RIT2: variants seen among roughly 807,000 people sequenced by gnomAD.
RIT2 encodes the protein GTP-binding protein Rit2.
In RIT2, 24 loss-of-function variants were observed where a neutral mutation model predicts 23.7. The ratio of observed to expected loss-of-function variants is 1.01; its 90% CI spans 0.73 to 1.43. The LOEUF (loss-of-function observed/expected upper bound fraction) is 1.43, where lower values mean the gene tolerates loss of function less well. RIT2 is among the 40% of genes most tolerant of loss of function. RIT2 has a pLI of 0.00. For missense variants in RIT2, 236 were observed against 266.9 expected, an observed-to-expected ratio of 0.88 and a Z score of 0.81; for synonymous variants, 107 against 91.1, an observed-to-expected ratio of 1.17 and a Z score of -0.99.
chr18:43,092,655 G>GC (rs2144362393), intron 1 of RIT2, among the ~76,000 whole-genome samples: 1 of 152,064 alleles, frequency 6.6e-6, no homozygotes, highest in Non-Finnish European at 1.5e-5. Context: ...GCCAATAGGA[G>GC]CCCCATATTA....
intron 3 of RIT2, among the ~76,000 whole-genome samples, chr18:42,946,735 T>G (rs1416685564): frequency 1.3e-5 from 2 of 151,926 alleles, no homozygotes; most frequent in African/African-American, 2.4e-5. Context: ...ATAATATCAT[T>G]TTTGCTACAG....
At chr18:43,070,336 C>T (rs1912869399) in intron 1 of RIT2, among the ~76,000 whole-genome samples, 1 of 152,162 alleles carries the variant, frequency 6.6e-6, no homozygotes, top group Non-Finnish European at 1.5e-5. Context: ...TTCTTCCCTT[C>T]TGCTTTTAGA....
intron 1 of RIT2, among the ~76,000 whole-genome samples, chr18:43,042,962 C>T (rs562737506): frequency 1.3e-5 from 2 of 152,044 alleles, no homozygotes; most frequent in East Asian, 1.9e-4. Context: ...AACCATGTAC[C>T]ATTTTCCACT....
chr18:43,057,173 C>T, intron 1 of RIT2, among the ~76,000 whole-genome samples: 1 of 152,018 alleles, frequency 6.6e-6, no homozygotes, highest in Middle Eastern at 3.2e-3. Flanking sequence ...AATGCTTATT[C>T]ATATTTGTTA....
intron 4 of RIT2, among the ~76,000 whole-genome samples, chr18:42,920,199 T>C (rs1909019631): frequency 6.6e-6 from 1 of 152,140 alleles, no homozygotes; most frequent in Non-Finnish European, 1.5e-5. Context: ...CTAAGAAGCA[T>C]GCTAGTATCT....
intron 4 of RIT2, among the ~76,000 whole-genome samples, chr18:42,791,656 A>C (rs1399705750): frequency 6.6e-6 from 1 of 152,222 alleles, no homozygotes; most frequent in African/African-American, 2.4e-5. Context: ...AAATATGAAT[A>C]CATTTTGTTG....
At chr18:43,110,019 C>A (rs567311002) in intron 1 of RIT2, among the ~76,000 whole-genome samples, 316 of 152,246 alleles carry the variant, frequency 2.1e-3, no homozygotes, top group Non-Finnish European at 3.8e-3. Flanking sequence ...CTAGACAAAT[C>A]TCTTGATAGT....
intron 3 of RIT2, among the ~76,000 whole-genome samples, chr18:42,970,419 A>T (rs578097034): frequency 4.6e-5 from 7 of 152,174 alleles, no homozygotes; most frequent in Middle Eastern, 3.4e-3. Context: ...GTTCTTTATA[A>T]TCTGAGATTT....
chr18:42,752,615 T>C (rs1913072356), intron 4 of RIT2, among the ~76,000 whole-genome samples: 1 of 152,228 alleles, frequency 6.6e-6, no homozygotes, highest in South Asian at 2.1e-4. Context: ...GCTAGGATTC[T>C]GTACATATTT....
intron 1 of RIT2, among the ~76,000 whole-genome samples, chr18:43,106,948 T>C (rs1913836718): frequency 6.6e-6 from 1 of 152,094 alleles, no homozygotes; most frequent in Non-Finnish European, 1.5e-5. Flanking sequence ...CCCAAGTGAT[T>C]GAGTAGATAT....
At chr18:43,064,170 A>G (rs556714578) in intron 1 of RIT2, among the ~76,000 whole-genome samples, 3 of 152,196 alleles carry the variant, frequency 2.0e-5, no homozygotes, top group Non-Finnish European at 2.9e-5. Context: ...GTAGAATTCA[A>G]TCTTGGATTT....
intron 1 of RIT2, among the ~76,000 whole-genome samples, chr18:43,080,263 C>T (rs956203196): frequency 6.6e-6 from 1 of 152,162 alleles, no homozygotes; most frequent in African/African-American, 2.4e-5. Flanking sequence ...CATTTTTCTT[C>T]CCATTCTAAT....
At chr18:42,756,894 G>GAAAA (rs10651414) in intron 4 of RIT2, among the ~76,000 whole-genome samples, 1 of 151,234 alleles carries the variant, frequency 6.6e-6, no homozygotes, top group African/African-American at 2.4e-5. Flanking sequence ...GGTAAAAATA[G>GAAAA]AAAAAAAACT....
chr18:42,821,792 G>C (rs1249218462), intron 4 of RIT2, among the ~76,000 whole-genome samples: 1 of 152,130 alleles, frequency 6.6e-6, no homozygotes, highest in Non-Finnish European at 1.5e-5. Context: ...GCATAGCACT[G>C]GGTGAAGCCC....
intron 4 of RIT2, among the ~76,000 whole-genome samples, chr18:42,818,187 G>A (rs1158629994): frequency 2.0e-5 from 3 of 151,956 alleles, no homozygotes; most frequent in African/African-American, 4.8e-5. Context: ...ATAGATATGA[G>A]TTACTAAATA....
At chr18:42,892,410 C>T (rs1908204977) in intron 4 of RIT2, among the ~76,000 whole-genome samples, 1 of 152,120 alleles carries the variant, frequency 6.6e-6, no homozygotes, top group Admixed American at 6.6e-5. Context: ...TATACAGATT[C>T]TTAAACTATG....
chr18:42,964,027 T>C (rs1910153923), intron 3 of RIT2, among the ~76,000 whole-genome samples: 1 of 151,796 alleles, frequency 6.6e-6, no homozygotes, highest in African/African-American at 2.4e-5. Context: ...CCATCTCTAC[T>C]AAAAATACAA....
At chr18:43,015,858 T>C (rs1911463098) in intron 2 of RIT2, among the ~76,000 whole-genome samples, 1 of 151,804 alleles carries the variant, frequency 6.6e-6, no homozygotes, top group Non-Finnish European at 1.5e-5. Context: ...CTGGCTATCA[T>C]GCACAAAATA....
chr18:42,957,684 TG>T (rs1217258836), intron 3 of RIT2, among the ~76,000 whole-genome samples: 2 of 151,808 alleles, frequency 1.3e-5, no homozygotes, highest in African/African-American at 4.8e-5. Context: ...CTTGGGAGGG[TG>T]GGGCAGGAGA....
Sources: gnomAD v4.1 joint callset for allele counts (sites outside exome capture counted in the v4.1 genomes callset) on GRCh38, gnomAD v4.1.1 for gene constraint, MANE v1.5 for transcripts, NCBI Gene and HGNC (gene_info 2026-07-23, HGNC 2026-07-21) for gene names.